The following ZSCAN1 variants were observed in gnomAD, a reference collection of about 807,000 sequenced individuals.
The protein encoded by ZSCAN1 is zinc finger and SCAN domain-containing protein 1.
A neutral mutation model predicts 23.8 loss-of-function variants in ZSCAN1; 23 were observed. That is an observed-to-expected ratio of 0.97 (90% confidence interval 0.70 to 1.37). The LOEUF (loss-of-function observed/expected upper bound fraction) is 1.37, where lower values mean the gene tolerates loss of function less well. ZSCAN1 is among the 40% of genes most tolerant of loss of function. ZSCAN1 has a pLI of 0.00. For synonymous variants in ZSCAN1, 236 were observed against 232.3 expected (o/e 1.02, Z -0.15); for missense variants, 575 against 554.0 (o/e 1.04, Z -0.38).
At chr19:58,044,578 G>C in intron 4 of ZSCAN1, 1 of 795,164 alleles carries the variant, frequency 1.3e-6, no homozygotes, top group Non-Finnish European at 2.0e-6. Context: ...CGGCCGCCAC[G>C]CCCGGACACA....
chr19:58,048,736 C>T (rs938572306), intron 4 of ZSCAN1, among the ~76,000 whole-genome samples: 12 of 152,110 alleles, frequency 7.9e-5, no homozygotes, highest in Non-Finnish European at 1.6e-4. Flanking sequence ...AGGATGATGG[C>T]GTGAGCCACC....
At chr19:58,038,512 C>A (rs988336082) in intron 3 of ZSCAN1, 42 of 554,990 alleles carry the variant, frequency 7.6e-5, no homozygotes, top group Non-Finnish European at 1.2e-4. Context: ...GACGCTGCCT[C>A]GCCACTTCCT....
chr19:58,038,119 C>T lies in ZSCAN1; in HGVS notation c.283C>T (p.Arg95Trp), dbSNP rs1265658577. ...CCTGGGCGCGCTGCCCAGCAAGATG[C>T]GGACCTGGGTGCAGTCACAGGGCCC... ...QFLGALPSKM[R>W]TWVQSQGPRS... Residue 95 changes from arginine to tryptophan, a missense_variant, in exon 3 of 6, where the codon CGG becomes TGG. Coordinates refer to ENST00000282326, the MANE Select transcript of ZSCAN1 (RefSeq NM_182572.4). 8 of 1,610,206 alleles carry T rather than the reference C, an allele frequency of 5.0e-6. No homozygotes were observed. Among genetic ancestry groups the T allele is most frequent in the South Asian group, 1.1e-5 (1 of 90,888 alleles).
rs1264447164 is a variant in ZSCAN1 at position 58,040,651 on chromosome 19, C to T, written c.465+107C>T. On this transcript the variant is annotated intron_variant, in intron 4 of 5. Coordinates refer to ENST00000282326, the MANE Select transcript of ZSCAN1 (RefSeq NM_182572.4). This position sits in a 1 kb window ranked among gnomAD's most constrained non-coding sequence, Gnocchi z 5.8. ...TCCAAGGACTGTGTGAGGTTGTCCC[C>T]AGCGCTCCCAGGAAGCCCGGCCTCC... 1.8e-6 allele frequency: 2 copies of T among 1,113,750 alleles called. No individual in the cohort carries two copies. Among genetic ancestry groups the T allele is most frequent in the African/African-American group, 3.1e-5 (2 of 64,556 alleles). The allele number at this position is 1,113,750 out of a possible 1,614,324, so 69.0% of individuals were successfully genotyped here.
chr19:58,042,377 C>T (rs2073795984), intron 4 of ZSCAN1, among the ~76,000 whole-genome samples: 2 of 151,940 alleles, frequency 1.3e-5, no homozygotes, highest in Non-Finnish European at 2.9e-5. Flanking sequence ...CCTGCCTCAG[C>T]CTCCGGAGTA....
At chr19:58,052,190 A>G (rs1350707620) in intron 4 of ZSCAN1, among the ~76,000 whole-genome samples, 1 of 152,222 alleles carries the variant, frequency 6.6e-6, no homozygotes, top group Non-Finnish European at 1.5e-5. Flanking sequence ...TTGCATTTCC[A>G]TTTTGTACAG....
chr19:58,039,714 T>G (rs925139287), intron 3 of ZSCAN1, among the ~76,000 whole-genome samples: 14 of 138,734 alleles, frequency 1.0e-4, no homozygotes, highest in Non-Finnish European at 2.0e-4. Flanking sequence ...GAGCTTGCAG[T>G]GAGCCAAGAT....
At chr19:58,046,560 C>G (rs1280841237) in intron 4 of ZSCAN1, 9 of 868,326 alleles carry the variant, frequency 1.0e-5, no homozygotes, top group African/African-American at 8.2e-5. Flanking sequence ...TTCCCAAAAG[C>G]AAGCTCACCA....
At chr19:58,034,313 G>A in intron 1 of ZSCAN1, among the ~76,000 whole-genome samples, 152 bp downstream of exon 1, 1 of 150,364 alleles carries the variant, frequency 6.7e-6, no homozygotes, top group South Asian at 2.1e-4. Flanking sequence ...GGCCCGGGAG[G>A]GGGCGGGCCG....
intron 4 of ZSCAN1, chr19:58,046,340 C>A: frequency 1.1e-6 from 1 of 920,236 alleles, no homozygotes; most frequent in Non-Finnish European, 1.8e-6. Flanking sequence ...CTTTCAAAGA[C>A]TGGTGAAGAA....
intron 4 of ZSCAN1, chr19:58,044,883 G>A: frequency 1.3e-6 from 1 of 785,516 alleles, no homozygotes. Flanking sequence ...TGGTCCTGGG[G>A]CCTCGGTGCC....
In ZSCAN1 at chr19:58,053,588, C is replaced by T. The variant is rs777773218; in HGVS notation, c.764C>T (p.Thr255Ile). 1 of 1,614,148 alleles carries T rather than the reference C, an allele frequency of 6.2e-7. No homozygotes were observed. Among genetic ancestry groups the T allele is most frequent in the Non-Finnish European group, 8.5e-7 (1 of 1,180,018 alleles). The change falls in exon 6 of 6, where the codon ACT (threonine) becomes ATT (isoleucine). Residue 255 changes from threonine to isoleucine, a missense_variant. Transcript: ENST00000282326. The surrounding 1 kb of genome is among the most constrained non-coding windows in gnomAD (Gnocchi z 5.8). Reference protein sequence around the residue: ...RISPRRRNRNTDQSGRHQPSL... With the variant: ...RISPRRRNRNIDQSGRHQPSL... ...AGTCCCCGAAGGAGAAACAGGAACA[C>T]TGACCAGAGCGGCCGCCACCAGCCA...
rs1427729812 is a variant in ZSCAN1, at chr19:58,037,995, C to G, written c.159C>G (p.His53Gln). Reference sequence around the variant, plus strand: ...AGTACCACGTGGCGAGCGGGCCGCACCTCGCGCTGGGCCAGCTCTGGACGC... The same window carrying G: ...AGTACCACGTGGCGAGCGGGCCGCAGCTCGCGCTGGGCCAGCTCTGGACGC... The part of the protein sequence containing the change: ...QFQYHVASGP[H>Q]LALGQLWTLC... Residue 53 changes from histidine (H) to glutamine (Q), a missense_variant, in exon 3 of 6, where the codon CAC becomes CAG. His to Gln is a conservative substitution (Grantham distance 24). Coordinates refer to ENST00000282326, the MANE Select transcript of ZSCAN1 (RefSeq NM_182572.4). 2 of 1,609,070 alleles carry G rather than the reference C, an allele frequency of 1.2e-6. No homozygotes were observed. Among genetic ancestry groups the G allele is most frequent in the Non-Finnish European group, 1.7e-6 (2 of 1,179,422 alleles).
chr19:58,052,440 G>A (rs1358787383), intron 4 of ZSCAN1, 50 bp from the exon 5 acceptor site: 1 of 1,612,332 alleles, frequency 6.2e-7, no homozygotes, highest in Non-Finnish European at 8.5e-7. Flanking sequence ...TGGTGGGGAG[G>A]ATGGCTCCTG....
At chr19:58,038,729 C>G (rs1199756447) in intron 3 of ZSCAN1, among the ~76,000 whole-genome samples, 1 of 152,258 alleles carries the variant, frequency 6.6e-6, no homozygotes, top group Non-Finnish European at 1.5e-5. Flanking sequence ...AGGGCTTTGT[C>G]CTTCTGCATC....
chr19:58,034,249 G>C (rs1264114405), intron 1 of ZSCAN1, 88 bp downstream of exon 1: 1 of 151,250 alleles, frequency 6.6e-6, no homozygotes, highest in African/African-American at 2.4e-5. Flanking sequence ...CCGCGTCGGC[G>C]GGAGCTGGCC....
chr19:58,041,337 C>A (rs1040962415), intron 4 of ZSCAN1, among the ~76,000 whole-genome samples: 1 of 152,212 alleles, frequency 6.6e-6, no homozygotes, highest in Admixed American at 6.5e-5. Flanking sequence ...GGGGTCCTGA[C>A]CTAACAGTGG....
At chr19:58,052,367 C>A in intron 4 of ZSCAN1, 123 bp from the exon 5 acceptor site, 1 of 1,492,396 alleles carries the variant, frequency 6.7e-7, no homozygotes, top group Non-Finnish European at 9.1e-7. Context: ...ACAGGCGCGA[C>A]ACCGCGCACT....
chr19:58,042,328 G>A (rs565663611), intron 4 of ZSCAN1, among the ~76,000 whole-genome samples: 2 of 151,646 alleles, frequency 1.3e-5, no homozygotes, highest in South Asian at 2.1e-4. Context: ...CGCGATCTCG[G>A]CTCACTGCAA....
Sources: allele counts gnomAD v4.1 joint callset (sites outside exome capture counted in the v4.1 genomes callset), GRCh38; gene constraint gnomAD v4.1.1; non-coding constraint Gnocchi (gnomAD v3.1); transcripts MANE v1.5; gene names NCBI Gene and HGNC (gene_info 2026-07-23, HGNC 2026-07-21).